AGBL1: variants seen among roughly 807,000 people sequenced by gnomAD.
The protein encoded by AGBL1 is AGBL carboxypeptidase 1.
Under a neutral mutation model 118.9 loss-of-function variants are expected in AGBL1, and 130 were observed. The observed-to-expected ratio is 1.09, with a 90% CI of 0.95 to 1.26. The LOEUF is 1.26. AGBL1 is among the 50% of genes most tolerant of loss of function. The pLI, the probability that AGBL1 is intolerant of heterozygous loss-of-function variation, is 0.00. For missense variants in AGBL1, 1,584 were observed against 1,298.1 expected (o/e 1.22, Z -3.38); for synonymous variants, 555 against 478.9 (o/e 1.16, Z -2.08).
chr15:87,029,886 T>C (rs926692501), downstream of AGBL1, among the ~76,000 whole-genome samples: 1 of 151,916 alleles, frequency 6.6e-6, no homozygotes, highest in African/African-American at 2.4e-5. Context: ...CTGGGTATTT[T>C]GTTGTAGAGG....
At chr15:86,354,267 A>G (rs570615307) in intron 17 of AGBL1, among the ~76,000 whole-genome samples, 30 of 152,340 alleles carry the variant, frequency 2.0e-4, no homozygotes, top group African/African-American at 6.5e-4. Context: ...ATTATTAGGC[A>G]AATATAAGTG....
chr15:86,249,677 G>C (rs533779082), intron 7 of AGBL1, among the ~76,000 whole-genome samples: 1 of 152,046 alleles, frequency 6.6e-6, no homozygotes, highest in Non-Finnish European at 1.5e-5. Context: ...CCCCCACTCT[G>C]GTCCAGTGCT....
intron 18 of AGBL1, among the ~76,000 whole-genome samples, chr15:86,475,450 G>A (rs1467641593): frequency 1.3e-5 from 2 of 152,120 alleles, no homozygotes; most frequent in East Asian, 1.9e-4. Flanking sequence ...TAGGCAATTC[G>A]ATCAACTGGA....
chr15:86,255,736 C>G (rs896610186), intron 7 of AGBL1, among the ~76,000 whole-genome samples: 1 of 151,912 alleles, frequency 6.6e-6, no homozygotes, highest in African/African-American at 2.4e-5. Flanking sequence ...GAGCTGAGAT[C>G]GTGCCACTGC....
At chr15:86,721,396 A>T (rs1454476379) in intron 22 of AGBL1, among the ~76,000 whole-genome samples, 2 of 152,166 alleles carry the variant, frequency 1.3e-5, no homozygotes, top group East Asian at 3.8e-4. Flanking sequence ...CAAAGACAAA[A>T]ACCATACGAT....
intron 24 of AGBL1, among the ~76,000 whole-genome samples, chr15:86,997,095 G>A (rs1176189152): frequency 2.0e-5 from 3 of 152,018 alleles, no homozygotes; most frequent in Admixed American, 2.0e-4. Flanking sequence ...ATCTGTATTT[G>A]TCCAAGTATG....
intron 22 of AGBL1, among the ~76,000 whole-genome samples, chr15:86,870,232 T>C (rs2079700626): frequency 6.6e-6 from 1 of 152,000 alleles, no homozygotes; most frequent in Non-Finnish European, 1.5e-5. Context: ...ATGCTTTATA[T>C]AGACTAAGAG....
At chr15:86,650,813 T>C (rs1356498015) in intron 21 of AGBL1, among the ~76,000 whole-genome samples, 2 of 152,198 alleles carry the variant, frequency 1.3e-5, no homozygotes, top group African/African-American at 4.8e-5. Flanking sequence ...CTATGGATTC[T>C]GAATATAGGT....
intron 17 of AGBL1, among the ~76,000 whole-genome samples, chr15:86,368,511 A>T (rs1247670431): frequency 6.6e-6 from 1 of 152,236 alleles, no homozygotes; most frequent in African/African-American, 2.4e-5. Context: ...TCAATTAAGA[A>T]GTGTGAGAAT....
intron 1 of AGBL1, among the ~76,000 whole-genome samples, chr15:86,134,803 T>C (rs1015200377): frequency 1.3e-4 from 20 of 151,612 alleles, no homozygotes; most frequent in African/African-American, 4.4e-4. Context: ...TTAGGAGAGA[T>C]GGGGTTTCAC....
At chr15:86,403,654 C>T (rs188662011) in intron 18 of AGBL1, among the ~76,000 whole-genome samples, 45 of 152,302 alleles carry the variant, frequency 3.0e-4, no homozygotes, top group Admixed American at 9.2e-4. Flanking sequence ...ACTTAATCAT[C>T]ACTATAGCCC....
intron 1 of AGBL1, chr15:86,138,452 C>T (rs1264906467): frequency 6.6e-6 from 1 of 152,220 alleles, no homozygotes; most frequent in African/African-American, 2.4e-5. Context: ...TGTCTTGGGT[C>T]CTGTCTGCCA....
At chr15:86,236,310 C>T (rs1432891399) in intron 6 of AGBL1, among the ~76,000 whole-genome samples, 1 of 151,278 alleles carries the variant, frequency 6.6e-6, no homozygotes, top group Non-Finnish European at 1.5e-5. Context: ...TCTCTTGGCA[C>T]CCCAGACTTC....
chr15:86,245,340 A>G (rs1326161984), intron 6 of AGBL1, among the ~76,000 whole-genome samples: 1 of 152,108 alleles, frequency 6.6e-6, no homozygotes, highest in Non-Finnish European at 1.5e-5. Context: ...CCTCACACAC[A>G]CTCAGCCAGA....
At chr15:86,485,835 A>G (rs993128233) in intron 18 of AGBL1, among the ~76,000 whole-genome samples, 3 of 152,114 alleles carry the variant, frequency 2.0e-5, no homozygotes, top group Non-Finnish European at 4.4e-5. Flanking sequence ...CTGCAGAAAT[A>G]CCCTTGACAA....
chr15:86,373,146 C>T (rs1467943606), intron 17 of AGBL1, among the ~76,000 whole-genome samples: 2 of 152,150 alleles, frequency 1.3e-5, no homozygotes, highest in African/African-American at 2.4e-5. Context: ...CCTCATTGAC[C>T]CTCACCTAAT....
At position 86,264,514 on chromosome 15, in the gene AGBL1, G is replaced by T; in HGVS notation, c.1343G>T (p.Arg448Met). The change falls in exon 11 of 23, where the codon AGG becomes ATG. Residue 448 changes from arginine to methionine, a missense_variant. By Grantham distance (91) the Arg-to-Met change is moderately conservative. Transcript: ENST00000614907. ...LYQNVQSNSL[R>M]RDSSESEIPD... ...CAAAATGTGCAATCCAATAGTCTCA[G>T]GAGAGATTCTTCTGAAAGTGAAATC... The T allele has an allele frequency of 6.2e-7, 1 of 1,614,060 alleles. No individual in the cohort carries two copies.
intron 22 of AGBL1, among the ~76,000 whole-genome samples, chr15:86,755,570 C>G (rs780723635): frequency 9.2e-5 from 14 of 152,036 alleles, no homozygotes; most frequent in Admixed American, 6.6e-4. Flanking sequence ...TCAAAGTCCC[C>G]CTCTTCCAAG....
At chr15:86,657,408 A>G (rs757143118) in intron 21 of AGBL1, among the ~76,000 whole-genome samples, 2 of 152,168 alleles carry the variant, frequency 1.3e-5, no homozygotes, top group African/African-American at 4.8e-5. Flanking sequence ...CAGACTGTCA[A>G]TTTATTTATA....
Sources: gnomAD v4.1 joint callset for allele counts (sites outside exome capture counted in the v4.1 genomes callset) on GRCh38, gnomAD v4.1.1 for gene constraint, MANE v1.5 for transcripts, NCBI Gene and HGNC (gene_info 2026-07-23, HGNC 2026-07-21) for gene names.